ANXA10: variants seen among roughly 807,000 people sequenced by gnomAD.
ANXA10 encodes the protein annexin 14.
Under a neutral mutation model 53.5 loss-of-function variants are expected in ANXA10, and 49 were observed. The ratio of observed to expected loss-of-function variants is 0.92; its 90% CI spans 0.73 to 1.16. The LOEUF (loss-of-function observed/expected upper bound fraction) is 1.16. ANXA10 is among the 50% of genes most tolerant of loss of function. The pLI is 0.00. For missense variants in ANXA10, 393 were observed against 394.4 expected, an observed-to-expected ratio of 1.00 and a Z score of 0.03; for synonymous variants, 131 against 128.9, an observed-to-expected ratio of 1.02 and a Z score of -0.11.
At chr4:168,183,849 T>C (rs192430605) in intron 10 of ANXA10, among the ~76,000 whole-genome samples, 298 of 152,320 alleles carry the variant, frequency 2.0e-3, no homozygotes, top group African/African-American at 6.8e-3. Flanking sequence ...TTATTAGTAA[T>C]ATACATTCAA....
At chr4:168,129,287 C>A (rs1348640921) in intron 2 of ANXA10, among the ~76,000 whole-genome samples, 1 of 152,014 alleles carries the variant, frequency 6.6e-6, no homozygotes, top group Non-Finnish European at 1.5e-5. Flanking sequence ...TGCTTTCATG[C>A]CTTTTAAAAT....
At chr4:168,104,578 G>A (rs745977679) in intron 1 of ANXA10, among the ~76,000 whole-genome samples, 1 of 151,870 alleles carries the variant, frequency 6.6e-6, no homozygotes, top group Non-Finnish European at 1.5e-5. Context: ...ATAGATATGA[G>A]GCAATTTAAG....
chr4:168,159,280 A>G (rs1560785833), intron 3 of ANXA10, among the ~76,000 whole-genome samples: 1 of 152,202 alleles, frequency 6.6e-6, no homozygotes, highest in Non-Finnish European at 1.5e-5. Flanking sequence ...TTTCTGTGTT[A>G]CTAGATGTGC....
intron 3 of ANXA10, among the ~76,000 whole-genome samples, chr4:168,156,048 ATT>A (rs1491372696): frequency 2.0e-5 from 1 of 49,948 alleles, no homozygotes; most frequent in African/African-American, 9.3e-5. Context: ...TATATTATAT[ATT>A]ATATATTATA....
At chr4:168,154,147 A>G (rs929336966) in intron 3 of ANXA10, among the ~76,000 whole-genome samples, 1 of 152,160 alleles carries the variant, frequency 6.6e-6, no homozygotes, top group African/African-American at 2.4e-5. Flanking sequence ...ATACATGTGT[A>G]GGGTGGGAGT....
chr4:168,181,072 T>C (rs1732231011), intron 9 of ANXA10, among the ~76,000 whole-genome samples: 1 of 152,178 alleles, frequency 6.6e-6, no homozygotes, highest in South Asian at 2.1e-4. Context: ...TAATAATCTA[T>C]AATAGTGTTA....
chr4:168,166,511 G>A (rs1731880882), intron 6 of ANXA10, among the ~76,000 whole-genome samples: 1 of 152,014 alleles, frequency 6.6e-6, no homozygotes, highest in East Asian at 1.9e-4. Context: ...AGGCACTCAG[G>A]AATGCAAAGA....
chr4:168,116,536 AAAG>A (rs1490739938), intron 1 of ANXA10, among the ~76,000 whole-genome samples: 1 of 152,210 alleles, frequency 6.6e-6, no homozygotes, highest in East Asian at 1.9e-4. Flanking sequence ...TAACTAAATA[AAAG>A]AATGAGTATC....
At chr4:168,117,503 G>T (rs1299133992) in intron 1 of ANXA10, among the ~76,000 whole-genome samples, 1 of 152,118 alleles carries the variant, frequency 6.6e-6, no homozygotes, top group Non-Finnish European at 1.5e-5. Context: ...TGTGAATAGG[G>T]ACTGAATCTT....
intron 3 of ANXA10, among the ~76,000 whole-genome samples, chr4:168,145,210 G>T (rs891897517): frequency 3.3e-5 from 5 of 152,110 alleles, no homozygotes; most frequent in Admixed American, 6.6e-5. Context: ...CTGACCCTAG[G>T]TTTTATAATA....
chr4:168,129,900 T>C (rs985774949), intron 2 of ANXA10, among the ~76,000 whole-genome samples: 2 of 152,162 alleles, frequency 1.3e-5, no homozygotes, highest in African/African-American at 4.8e-5. Context: ...ATTTTTATTT[T>C]GTATCTATTA....
chr4:168,105,241 A>AT (rs1210585338), intron 1 of ANXA10, among the ~76,000 whole-genome samples: 1 of 151,572 alleles, frequency 6.6e-6, no homozygotes, highest in Non-Finnish European at 1.5e-5. Flanking sequence ...CCCCTGAGTT[A>AT]TTTTTCCTGA....
At chr4:168,157,735 T>G (rs1342557359) in intron 3 of ANXA10, among the ~76,000 whole-genome samples, 1 of 152,196 alleles carries the variant, frequency 6.6e-6, no homozygotes, top group Non-Finnish European at 1.5e-5. Context: ...ATGTGCTCTT[T>G]TATGTCTAGA....
At chr4:168,157,269 A>ATT (rs200621679) in intron 3 of ANXA10, among the ~76,000 whole-genome samples, 14 of 133,466 alleles carry the variant, frequency 1.0e-4, no homozygotes, top group African/African-American at 3.5e-4. Flanking sequence ...ATTTCTTTAT[A>ATT]TTTTTTTTTC....
At chr4:168,119,567 G>C (rs561733891) in intron 1 of ANXA10, among the ~76,000 whole-genome samples, 1 of 152,214 alleles carries the variant, frequency 6.6e-6, no homozygotes, top group South Asian at 2.1e-4. Flanking sequence ...CTTAGACTGA[G>C]CTTTGCAGTT....
chr4:168,153,580 C>T (rs749862296), intron 3 of ANXA10, among the ~76,000 whole-genome samples: 1 of 151,466 alleles, frequency 6.6e-6, no homozygotes, highest in Non-Finnish European at 1.5e-5. Context: ...AGATGGGGGA[C>T]GGTAGAGAAG....
chr4:168,182,394 G>A lies in ANXA10; in HGVS notation c.783+653G>A, dbSNP rs188053023. Reference sequence around the variant, plus strand: ...TGCCCAGGCTGGAGTGCAGTGGCGCGATCTCGGCTCACTGCAAGCTCTGCC... The same window carrying A: ...TGCCCAGGCTGGAGTGCAGTGGCGCAATCTCGGCTCACTGCAAGCTCTGCC... On this transcript the variant is annotated intron_variant, in intron 10 of 11. Coordinates refer to ENST00000359299, the MANE Select transcript of ANXA10 (RefSeq NM_007193.5). Among the ~76,000 whole-genome samples the A allele has an allele frequency of 5.9e-3, 754 of 127,906 alleles. 5 individuals carry two copies. Among genetic ancestry groups the A allele is most frequent in the African/African-American group, 0.019 (625 of 33,674 alleles). The allele number at this position is 127,906 out of a possible 152,430, so 83.9% of individuals were successfully genotyped here. A position where few individuals can be genotyped will look rare whatever the true frequency, so the allele number is the denominator to read the frequency against.
intron 2 of ANXA10, among the ~76,000 whole-genome samples, chr4:168,132,955 C>T (rs931227212): frequency 2.6e-5 from 4 of 151,966 alleles, no homozygotes; most frequent in Non-Finnish European, 4.4e-5. Flanking sequence ...ACAGATATTT[C>T]GTGGTCATTT....
chr4:168,094,221 A>C (rs1730508384), intron 1 of ANXA10, among the ~76,000 whole-genome samples: 1 of 152,062 alleles, frequency 6.6e-6, no homozygotes, highest in Non-Finnish European at 1.5e-5. Flanking sequence ...ATTTTTTTTA[A>C]ATGCAATTAT....
Sources: gnomAD v4.1 joint callset for allele counts (sites outside exome capture counted in the v4.1 genomes callset) on GRCh38, gnomAD v4.1.1 for gene constraint, MANE v1.5 for transcripts, NCBI Gene and HGNC (gene_info 2026-07-23, HGNC 2026-07-21) for gene names.